The following LRP1B variants were observed in gnomAD, a reference collection of about 807,000 sequenced individuals.
LRP1B encodes LDL receptor related protein 1B.
LRP1B carries 217 observed loss-of-function variants against 556.6 expected under a neutral mutation model. The observed-to-expected ratio is 0.39, with a 90% confidence interval of 0.35 to 0.44. The LOEUF (loss-of-function observed/expected upper bound fraction) is 0.44, where lower values mean the gene tolerates loss of function less well. Among genes scored for constraint, LRP1B ranks in the 20% least tolerant of loss-of-function variants. The probability of loss-of-function intolerance (pLI) is 1.00; values close to 1 mark genes in which losing one functional copy is unlikely to be tolerated. For synonymous variants in LRP1B, 2,047 were observed against 1,865.8 expected, an observed-to-expected ratio of 1.10 and a Z score of -2.50; for missense variants, 5,053 against 5,620.8, an observed-to-expected ratio of 0.90 and a Z score of 3.23.
intron 11 of LRP1B, among the ~76,000 whole-genome samples, chr2:141,023,121 TAAAC>T (rs1490107278): frequency 6.6e-6 from 1 of 151,944 alleles, no homozygotes; most frequent in Non-Finnish European, 1.5e-5. Context: ...ACTCAGAAAA[TAAAC>T]AGCCTTTTCT....
intron 11 of LRP1B, among the ~76,000 whole-genome samples, chr2:141,037,633 T>C (rs1343942167): frequency 6.6e-6 from 1 of 151,978 alleles, no homozygotes; most frequent in Non-Finnish European, 1.5e-5. Flanking sequence ...TCACAGTAAT[T>C]CTGCAGACCA....
At chr2:141,831,234 T>C (rs980338467) in intron 1 of LRP1B, among the ~76,000 whole-genome samples, 1 of 151,688 alleles carries the variant, frequency 6.6e-6, no homozygotes, top group African/African-American at 2.4e-5. Context: ...TATAAAATAA[T>C]ATGAATATAC....
intron 7 of LRP1B, among the ~76,000 whole-genome samples, chr2:141,149,141 C>A (rs1357358363): frequency 6.6e-6 from 1 of 151,652 alleles, no homozygotes. Flanking sequence ...ATGTAACTTG[C>A]TTGGAATACA....
intron 1 of LRP1B, among the ~76,000 whole-genome samples, chr2:142,122,368 CA>C (rs757081853): frequency 6.6e-6 from 1 of 152,020 alleles, no homozygotes; most frequent in South Asian, 2.1e-4. Flanking sequence ...TGTAATACAA[CA>C]ACGGACAAAG....
intron 7 of LRP1B, among the ~76,000 whole-genome samples, chr2:141,123,679 G>A (rs1397226025): frequency 2.0e-5 from 3 of 151,936 alleles, no homozygotes; most frequent in African/African-American, 4.8e-5. Flanking sequence ...CACAAAAATG[G>A]CTCATTAGCC....
At chr2:140,261,755 A>G (rs1681953308) in intron 86 of LRP1B, among the ~76,000 whole-genome samples, 1 of 151,926 alleles carries the variant, frequency 6.6e-6, no homozygotes, top group African/African-American at 2.4e-5. Context: ...CTCATTTTTT[A>G]GTATATAATA....
intron 43 of LRP1B, among the ~76,000 whole-genome samples, chr2:140,593,199 T>C (rs1222453665): frequency 3.3e-5 from 5 of 152,198 alleles, no homozygotes; most frequent in African/African-American, 9.7e-5. Context: ...CCTGGGAATA[T>C]ATTCCTTAAA....
At chr2:140,463,403 A>G (rs752661685) in intron 60 of LRP1B, among the ~76,000 whole-genome samples, 1 of 152,210 alleles carries the variant, frequency 6.6e-6, no homozygotes, top group East Asian at 1.9e-4. Context: ...TGTGCAAACC[A>G]TTTAAAAAAA....
chr2:141,937,480 TG>T (rs1319337429), intron 1 of LRP1B, among the ~76,000 whole-genome samples: 2 of 151,746 alleles, frequency 1.3e-5, no homozygotes, highest in African/African-American at 4.8e-5. Flanking sequence ...ACACTTCAAA[TG>T]TATGGATTGA....
chr2:141,999,278 G>T (rs1702590803), intron 1 of LRP1B, among the ~76,000 whole-genome samples: 1 of 152,066 alleles, frequency 6.6e-6, no homozygotes, highest in Non-Finnish European at 1.5e-5. Flanking sequence ...AGATTTTTGG[G>T]TTCATTTTGG....
rs189595662 is a variant in LRP1B, at chr2:141,176,892, A to G, written c.1013+11529T>C. On this transcript the variant is annotated intron_variant, in intron 7 of 90. Transcript: ENST00000389484. ...CTTCATTTAATGTTATTACAAAAAA[A>G]TAAAATAAAATTACATAGTGGTTTC... Among the ~76,000 whole-genome samples the G allele has an allele frequency of 2.6e-3, 392 of 152,226 alleles. 1 individual carries two copies. Among genetic ancestry groups the G allele is most frequent in the Middle Eastern group, 0.024 (7 of 294 alleles).
rs1022775722 is a variant in LRP1B at position 141,808,853 on chromosome 2, G to T, written c.205+1426C>A. Among the ~76,000 whole-genome samples, 4 of 152,124 alleles carry T rather than the reference G, an allele frequency of 2.6e-5. No homozygotes were observed. The East Asian group carries it at 5.8e-4, about 22-fold the overall frequency. On this transcript the variant is annotated intron_variant, in intron 2 of 90. Transcript: ENST00000389484. ...ATATGAAGGGAATCGTAAAACATGT[G>T]ATCTTTTTTGATGAGCTTCTTCCCC...
intron 3 of LRP1B, among the ~76,000 whole-genome samples, chr2:141,353,577 T>C (rs1688520083): frequency 6.6e-6 from 1 of 152,006 alleles, no homozygotes; most frequent in Non-Finnish European, 1.5e-5. Context: ...ATTTTAAGCA[T>C]TGGGAACTGT....
intron 2 of LRP1B, among the ~76,000 whole-genome samples, chr2:141,590,385 G>A (rs926628276): frequency 2.0e-4 from 30 of 152,046 alleles, no homozygotes; most frequent in Middle Eastern, 6.8e-3. Flanking sequence ...AAAAACTTTC[G>A]TACAGCAAAA....
chr2:141,212,496 G>A (rs965099554), intron 6 of LRP1B, among the ~76,000 whole-genome samples: 1 of 150,652 alleles, frequency 6.6e-6, no homozygotes, highest in African/African-American at 2.4e-5. Flanking sequence ...GTGTTAGCCA[G>A]GGTGGTCTTG....
At chr2:140,735,174 G>A (rs906319193) in intron 35 of LRP1B, among the ~76,000 whole-genome samples, 6 of 152,244 alleles carry the variant, frequency 3.9e-5, no homozygotes, top group South Asian at 2.1e-4. Flanking sequence ...CCATCCACAC[G>A]ATGTGCAATT....
chr2:141,639,310 A>AT (rs1198465657), intron 2 of LRP1B, among the ~76,000 whole-genome samples: 82 of 4,902 alleles, frequency 0.017, 2 homozygotes, highest in Middle Eastern at 0.12. Flanking sequence ...GTGTGTATAT[A>AT]TATATATATA....
chr2:141,066,753 T>A (rs915258747), intron 7 of LRP1B, among the ~76,000 whole-genome samples: 3 of 151,958 alleles, frequency 2.0e-5, no homozygotes, highest in African/African-American at 7.2e-5. Context: ...AAATGACTTA[T>A]CATTCATTTT....
chr2:140,892,600 C>A (rs72990116), intron 23 of LRP1B, among the ~76,000 whole-genome samples: 2 of 152,248 alleles, frequency 1.3e-5, no homozygotes, highest in African/African-American at 4.8e-5. Context: ...GACAGTGCAA[C>A]CACTCTGAAG....
Sources: gnomAD v4.1 joint callset for allele counts (sites outside exome capture counted in the v4.1 genomes callset) on GRCh38, gnomAD v4.1.1 for gene constraint, MANE v1.5 for transcripts, NCBI Gene and HGNC (gene_info 2026-07-23, HGNC 2026-07-21) for gene names.